The following SLC35B3 variants were observed in gnomAD, a reference collection of about 807,000 sequenced individuals.
SLC35B3 encodes the protein solute carrier family 35 member B3.
Under a neutral mutation model 44.1 loss-of-function variants are expected in SLC35B3, and 35 were observed. The observed-to-expected ratio is 0.79, with a 90% confidence interval of 0.61 to 1.05. The LOEUF (loss-of-function observed/expected upper bound fraction) is 1.05. Ranked by LOEUF, SLC35B3 falls within the 50% of genes least tolerant of loss-of-function variation. The pLI is 0.00. For missense variants in SLC35B3, 414 were observed against 476.4 expected, an observed-to-expected ratio of 0.87 and a Z score of 1.22; for synonymous variants, 146 against 167.3, an observed-to-expected ratio of 0.87 and a Z score of 0.98.
At position 8,427,765 on chromosome 6, in the gene SLC35B3, AT is replaced by A. The variant is rs112655080; in HGVS notation, c.419+171del. 24 of 481,174 alleles carry A rather than the reference AT, an allele frequency of 5.0e-5. No homozygotes were observed. In the South Asian group the frequency reaches 7.6e-4, roughly 15 times the overall value. The allele number at this position is 481,174 out of a possible 1,614,324, so 29.8% of individuals were successfully genotyped here. Reference sequence around the variant, plus strand: ...TTTGTAATACTGCATTTAAGACTTTATTTTTTTCAGTGTATAAATGAATAAA... The same window carrying A: ...TTTGTAATACTGCATTTAAGACTTTATTTTTTCAGTGTATAAATGAATAAA... On this transcript the variant is annotated intron_variant, in intron 4 of 10. Transcript: ENST00000644923.
intron 9 of SLC35B3, among the ~76,000 whole-genome samples, chr6:8,415,917 A>G (rs1034861940): frequency 2.6e-5 from 4 of 152,134 alleles, no homozygotes; most frequent in Non-Finnish European, 4.4e-5. Context: ...ACTGCATAGC[A>G]TGAGGATGAA....
intron 3 of SLC35B3, among the ~76,000 whole-genome samples, chr6:8,428,434 AGTGT>A (rs1281046540): frequency 6.6e-6 from 1 of 152,176 alleles, no homozygotes; most frequent in African/African-American, 2.4e-5. Flanking sequence ...GAATAAATGA[AGTGT>A]ATGTATGAAT....
At chr6:8,421,115 A>C (rs1219553770) in intron 5 of SLC35B3, among the ~76,000 whole-genome samples, 1 of 152,158 alleles carries the variant, frequency 6.6e-6, no homozygotes, top group African/African-American at 2.4e-5. Context: ...CACATCCACA[A>C]ACATTTAAAA....
Position 8,429,932 on chromosome 6 carries a change from T to C in SLC35B3, c.229A>G (p.Lys77Glu). The change falls in exon 3 of 11, where the codon AAA becomes GAA. Residue 77 changes from lysine to glutamate, a missense_variant. By Grantham distance (56) the Lys-to-Glu change is moderately conservative (BLOSUM62 1). Coordinates refer to ENST00000644923, the MANE Select transcript of SLC35B3 (RefSeq NM_001370476.2). Reference sequence around the variant, plus strand: ...ACACATATGAAAAACTGAGTAAGTTTGTTAAACTTGCTGAGATTCATGCCA... The same window carrying C: ...ACACATATGAAAAACTGAGTAAGTTCGTTAAACTTGCTGAGATTCATGCCA... 1 of 1,611,332 alleles carries C rather than the reference T, an allele frequency of 6.2e-7. No homozygotes were observed. Among genetic ancestry groups the C allele is most frequent in the Non-Finnish European group, 8.5e-7 (1 of 1,178,966 alleles).
chr6:8,431,574 A>C (rs895102172), intron 2 of SLC35B3, among the ~76,000 whole-genome samples: 2 of 152,180 alleles, frequency 1.3e-5, no homozygotes, highest in African/African-American at 4.8e-5. Flanking sequence ...TTGTTTCATG[A>C]AGTTTACTGT....
rs746943395 is a variant in SLC35B3 at position 8,434,404 on chromosome 6, T to C, written c.-17A>G. The stretch of plus-strand genomic sequence containing the variant: ...TCTTACCATGCCATTATGCCTTGAT[T>C]AACTGCGCTCCGGAATCAATCATGG... On this transcript the variant is annotated 5_prime_UTR_variant, in exon 2 of 11. Transcript: ENST00000644923. The surrounding 1 kb of genome is among the most constrained non-coding windows in gnomAD (Gnocchi z 6.3). The C allele has an allele frequency of 5.4e-4, 877 of 1,612,834 alleles. No individual in the cohort carries two copies. Among genetic ancestry groups the C allele is most frequent in the Non-Finnish European group, 7.1e-4 (832 of 1,179,260 alleles).
chr6:8,415,798 C>T (rs1014921360), intron 9 of SLC35B3, among the ~76,000 whole-genome samples: 2 of 152,050 alleles, frequency 1.3e-5, no homozygotes, highest in Non-Finnish European at 2.9e-5. Flanking sequence ...GTTCCCTCTT[C>T]TCCTGCTACT....
chr6:8,417,054 A>T, intron 8 of SLC35B3, 59 bp from the exon 8 acceptor site: 1 of 916,558 alleles, frequency 1.1e-6, no homozygotes, highest in East Asian at 2.6e-5. Flanking sequence ...GGTATTACAA[A>T]TAAAATAAAA....
intron 5 of SLC35B3, among the ~76,000 whole-genome samples, chr6:8,421,597 CAATT>C (rs1264095401): frequency 1.3e-5 from 2 of 152,232 alleles, no homozygotes; most frequent in South Asian, 2.1e-4. Flanking sequence ...TTCCTCGTGA[CAATT>C]AATGTGAACA....
Position 8,420,809 on chromosome 6 carries a change from T to G in SLC35B3, c.594A>C (p.Ala198=). The G allele has an allele frequency of 1.9e-6, 3 of 1,612,030 alleles. No individual in the cohort carries two copies. Among genetic ancestry groups the G allele is most frequent in the Non-Finnish European group, 2.5e-6 (3 of 1,178,542 alleles). Reference sequence around the variant, plus strand: ...TCATACATATGGCAGCAGACACATCTGCAACATTATAACGCTTTCCTGTAT... The same window carrying G: ...TCATACATATGGCAGCAGACACATCGGCAACATTATAACGCTTTCCTGTAT... Residue 198 remains alanine (A), a synonymous_variant, in exon 6 of 11, where the codon GCA becomes GCC. Coordinates refer to ENST00000644923, the MANE Select transcript of SLC35B3 (RefSeq NM_001370476.2). This position sits in a 1 kb window ranked among gnomAD's most constrained non-coding sequence, Gnocchi z 4.4.
At chr6:8,421,085 A>C (rs1762850033) in intron 5 of SLC35B3, among the ~76,000 whole-genome samples, 1 of 152,190 alleles carries the variant, frequency 6.6e-6, no homozygotes, top group Non-Finnish European at 1.5e-5. Context: ...CTTTGGCAAA[A>C]ACTGACAGCA....
At chr6:8,417,259 C>T in intron 8 of SLC35B3, 143 bp downstream of exon 7, 1 of 635,938 alleles carries the variant, frequency 1.6e-6, no homozygotes, top group Non-Finnish European at 2.7e-6. Context: ...CATTTCATTT[C>T]TGAAATTAAT....
Position 8,433,231 on chromosome 6 carries a change from C to A in SLC35B3, c.3+1154G>T, listed in dbSNP as rs922574765. ...ATTCTTCCCTTTCTGACCCATCTGT[C>A]ACATGGCTCAACGTGAAGTCTGATC... is the stretch of plus-strand genomic sequence containing the variant. On this transcript the variant is annotated intron_variant, in intron 2 of 10. Coordinates refer to ENST00000644923, the MANE Select transcript of SLC35B3 (RefSeq NM_001370476.2). This position sits in a 1 kb window ranked among gnomAD's most constrained non-coding sequence, Gnocchi z 4.1. Among the ~76,000 whole-genome samples the A allele has an allele frequency of 1.1e-4, 16 of 152,176 alleles. No homozygotes were observed. The highest frequency in any genetic ancestry group is 2.2e-4 in the Non-Finnish European group (15 of 68,036).
At chr6:8,427,162 A>G (rs1763497434) in intron 4 of SLC35B3, among the ~76,000 whole-genome samples, 1 of 152,248 alleles carries the variant, frequency 6.6e-6, no homozygotes, top group Non-Finnish European at 1.5e-5. Flanking sequence ...CTGACGATGC[A>G]GTAGAAAAGA....
chr6:8,416,265 C>T (rs537689278), intron 9 of SLC35B3, among the ~76,000 whole-genome samples: 1 of 152,276 alleles, frequency 6.6e-6, no homozygotes, highest in East Asian at 1.9e-4. Flanking sequence ...CTGCCTGTAC[C>T]TCTAAGGCAA....
At chr6:8,417,244 T>C (rs1222972047) in intron 8 of SLC35B3, among the ~76,000 whole-genome samples, 158 bp downstream of exon 7, 1 of 152,136 alleles carries the variant, frequency 6.6e-6, no homozygotes, top group Non-Finnish European at 1.5e-5. Flanking sequence ...AATTTAAATA[T>C]CAGTCATTTC....
intron 2 of SLC35B3, among the ~76,000 whole-genome samples, chr6:8,430,869 G>A (rs766796547): frequency 3.9e-5 from 6 of 151,994 alleles, no homozygotes; most frequent in Non-Finnish European, 8.8e-5. Context: ...CTGCACTCCA[G>A]CCTGGGCGAC....
intron 5 of SLC35B3, 102 bp downstream of exon 4, chr6:8,422,368 G>T: frequency 1.1e-6 from 1 of 884,396 alleles, no homozygotes; most frequent in Non-Finnish European, 1.8e-6. Flanking sequence ...TATCTAGAAT[G>T]CTCATTGAAA....
chr6:8,413,628 A>T lies in SLC35B3; in HGVS notation c.1127T>A (p.Ile376Lys), dbSNP rs1310217577. 6.3e-7 allele frequency: 1 copy of T among 1,599,166 alleles called. No individual in the cohort carries two copies. The highest frequency in any genetic ancestry group is 1.1e-5 in the South Asian group (1 of 89,908). Residue 376 changes from isoleucine to lysine, a missense_variant, in exon 11 of 11, where the codon ATA becomes AAA. Physicochemically the swap from Ile to Lys is moderately radical, Grantham distance 102. Coordinates refer to ENST00000644923, the MANE Select transcript of SLC35B3 (RefSeq NM_001370476.2). The stretch of plus-strand genomic sequence containing the variant: ...CAAATCATACAGTGATGGTAGTCTT[A>T]TTTTATCCATATTTTTGCTGTAAAC...
Sources: gnomAD v4.1 joint callset for allele counts (sites outside exome capture counted in the v4.1 genomes callset) on GRCh38, gnomAD v4.1.1 for gene constraint, Gnocchi (gnomAD v3.1) non-coding constraint, MANE v1.5 for transcripts, NCBI Gene and HGNC (gene_info 2026-07-23, HGNC 2026-07-21) for gene names.